The following NRG3 variants were observed in gnomAD, a reference collection of about 807,000 sequenced individuals.
NRG3 encodes the protein neuregulin 3.
Under a neutral mutation model 66.9 loss-of-function variants are expected in NRG3, and 31 were observed. The ratio of observed to expected loss-of-function variants is 0.46; its 90% CI spans 0.35 to 0.63. NRG3 has a LOEUF of 0.63. Ranked by LOEUF, NRG3 falls within the 20% of genes least tolerant of loss-of-function variation. NRG3 has a pLI of 0.00. For missense variants in NRG3, 910 were observed against 878.9 expected (o/e 1.04, Z -0.45); for synonymous variants, 393 against 359.4 (o/e 1.09, Z -1.06).
chr10:82,726,911 G>A (rs1011949261), intron 2 of NRG3, among the ~76,000 whole-genome samples: 14 of 152,264 alleles, frequency 9.2e-5, no homozygotes, highest in African/African-American at 3.4e-4. Context: ...AGATGAAGAT[G>A]AGAAACTTGT....
At chr10:82,554,794 C>T (rs1286986783) in intron 2 of NRG3, among the ~76,000 whole-genome samples, 1 of 152,100 alleles carries the variant, frequency 6.6e-6, no homozygotes, top group African/African-American at 2.4e-5. Context: ...TCTTGTGTAA[C>T]CACTAAAAGC....
intron 2 of NRG3, among the ~76,000 whole-genome samples, chr10:82,417,681 A>G (rs1372970519): frequency 1.3e-5 from 2 of 152,210 alleles, no homozygotes; most frequent in Non-Finnish European, 1.5e-5. Context: ...AGTAACTCCC[A>G]GAATGTTCAC....
At chr10:82,203,052 A>T (rs1460923019) in intron 1 of NRG3, among the ~76,000 whole-genome samples, 1 of 152,164 alleles carries the variant, frequency 6.6e-6, no homozygotes, top group Non-Finnish European at 1.5e-5. Flanking sequence ...AGTAACTGGG[A>T]ATAATTTGAT....
intron 1 of NRG3, among the ~76,000 whole-genome samples, chr10:81,963,399 C>T (rs1232615993): frequency 6.6e-6 from 1 of 150,376 alleles, no homozygotes; most frequent in Admixed American, 6.6e-5. Context: ...TCCCAAAGTG[C>T]TGGGATTACA....
chr10:82,448,892 G>A (rs1321169702), intron 2 of NRG3, among the ~76,000 whole-genome samples: 2 of 152,028 alleles, frequency 1.3e-5, no homozygotes, highest in Admixed American at 6.6e-5. Context: ...CAAAGTAACT[G>A]AAAACTCTAT....
intron 2 of NRG3, among the ~76,000 whole-genome samples, chr10:82,388,605 C>T (rs1202938380): frequency 6.6e-6 from 1 of 152,120 alleles, no homozygotes; most frequent in Non-Finnish European, 1.5e-5. Context: ...AACAAACATC[C>T]TGGCCTCTAA....
rs1388658641 is a variant in NRG3 at position 82,612,327 on chromosome 10, TTCC to T, written c.954-126241_954-126239del. On this transcript the variant is annotated intron_variant, in intron 2 of 8. Coordinates refer to ENST00000372141, the MANE Select transcript of NRG3 (RefSeq NM_001010848.4). ...TTCCTTCCCTCATTCATTCCTTGAT[TTCC>T]TCCTCCTCTTTTTTTTAATTGCTTT... Among the ~76,000 whole-genome samples, 20 of 152,234 alleles carry T rather than the reference TTCC, an allele frequency of 1.3e-4. No homozygotes were observed. In the East Asian group the frequency reaches 3.7e-3, roughly 28 times the overall value.
At chr10:82,754,894 C>A (rs183733426) in intron 3 of NRG3, among the ~76,000 whole-genome samples, 1 of 152,226 alleles carries the variant, frequency 6.6e-6, no homozygotes, top group Admixed American at 6.6e-5. Context: ...CAGAAAGACA[C>A]CAGCCTGTGT....
At chr10:82,548,364 C>A (rs1421592165) in intron 2 of NRG3, among the ~76,000 whole-genome samples, 2 of 151,978 alleles carry the variant, frequency 1.3e-5, no homozygotes, top group Admixed American at 1.3e-4. Context: ...AGGGTTATTT[C>A]TTTCCGGGTT....
intron 1 of NRG3, among the ~76,000 whole-genome samples, chr10:82,101,497 A>G (rs2066719325): frequency 6.6e-6 from 1 of 151,800 alleles, no homozygotes; most frequent in Non-Finnish European, 1.5e-5. Context: ...GCAAATATTA[A>G]TTTAGCTGTC....
At chr10:82,471,246 T>G (rs10884736) in intron 2 of NRG3, among the ~76,000 whole-genome samples, 85,009 of 151,752 alleles carry the variant, frequency 0.56, 27,566 homozygotes, top group South Asian at 0.77. Flanking sequence ...TGAAACCCAT[T>G]TGACCACCCT....
At chr10:82,624,915 A>T (rs968315377) in intron 2 of NRG3, among the ~76,000 whole-genome samples, 2 of 146,218 alleles carry the variant, frequency 1.4e-5, no homozygotes, top group Admixed American at 6.9e-5. Context: ...ATATATATAT[A>T]TTTTATATAT....
intron 1 of NRG3, among the ~76,000 whole-genome samples, chr10:82,022,565 G>A (rs2062110498): frequency 6.6e-6 from 1 of 151,966 alleles, no homozygotes; most frequent in South Asian, 2.1e-4. Flanking sequence ...CTTCATTATT[G>A]GTGTACTTCT....
At chr10:82,626,147 G>A (rs1651754601) in intron 2 of NRG3, among the ~76,000 whole-genome samples, 1 of 152,094 alleles carries the variant, frequency 6.6e-6, no homozygotes, top group East Asian at 1.9e-4. Flanking sequence ...CACAATCCAT[G>A]GCTGACTCAA....
rs1430522096 is a variant in NRG3 at position 82,542,206 on chromosome 10, G to T, written c.953+183338G>T. On this transcript the variant is annotated intron_variant, in intron 2 of 8. Transcript: ENST00000372141. The stretch of plus-strand genomic sequence containing the variant: ...TTCTGTTCCTGTATTAGTTTGCTGA[G>T]GATGATGGTTTCCAGCTTCATCCAT... 2.6e-5 allele frequency among the ~76,000 whole-genome samples: 4 copies of T among 152,216 alleles called. No homozygotes were observed. In the East Asian group the frequency reaches 7.7e-4, roughly 29 times the overall value.
At chr10:82,506,291 T>G (rs1050835391) in intron 2 of NRG3, among the ~76,000 whole-genome samples, 2 of 152,194 alleles carry the variant, frequency 1.3e-5, no homozygotes, top group African/African-American at 4.8e-5. Flanking sequence ...CGAGGAATGT[T>G]GCAAGCTGTC....
intron 3 of NRG3, chr10:82,843,128 T>C (rs2063143598): frequency 2.6e-6 from 1 of 391,736 alleles, no homozygotes; most frequent in Non-Finnish European, 5.2e-6. Context: ...GGGACTACTG[T>C]ATTAGACTCT....
chr10:82,077,068 G>A (rs985548253), intron 1 of NRG3, among the ~76,000 whole-genome samples: 1 of 152,064 alleles, frequency 6.6e-6, no homozygotes, highest in African/African-American at 2.4e-5. Flanking sequence ...CAAAATGATA[G>A]CAAATAACAC....
At chr10:82,308,180 G>T (rs1258743476) in intron 1 of NRG3, among the ~76,000 whole-genome samples, 1 of 152,102 alleles carries the variant, frequency 6.6e-6, no homozygotes. Context: ...TTGATTGACT[G>T]ATTGAGACAG....
Sources: gnomAD v4.1 joint callset for allele counts (sites outside exome capture counted in the v4.1 genomes callset) on GRCh38, gnomAD v4.1.1 for gene constraint, MANE v1.5 for transcripts, NCBI Gene and HGNC (gene_info 2026-07-23, HGNC 2026-07-21) for gene names.